The following XRCC4 variants were observed in gnomAD, a reference collection of about 807,000 sequenced individuals.
XRCC4 encodes the protein DNA repair protein XRCC4.
XRCC4 carries 28 observed loss-of-function variants against 39.1 expected under a neutral mutation model. The ratio of observed to expected loss-of-function variants is 0.72; its 90% CI spans 0.53 to 0.98. The LOEUF is 0.98. Among genes scored for constraint, XRCC4 ranks in the 50% least tolerant of loss-of-function variants. XRCC4 has a pLI of 0.00. For missense variants in XRCC4, 350 were observed against 376.4 expected (o/e 0.93, Z 0.58); for synonymous variants, 123 against 126.4 (o/e 0.97, Z 0.18).
chr5:83,079,562 T>C (rs1744839189), intron 1 of XRCC4, among the ~76,000 whole-genome samples: 1 of 152,160 alleles, frequency 6.6e-6, no homozygotes, highest in Admixed American at 6.5e-5. Flanking sequence ...AGGATCTTGC[T>C]CTGTTGCCCA....
rs1225850304 is a variant in XRCC4, at chr5:83,309,296, A to AATATATAT, written c.894-43817_894-43810dup. Among the ~76,000 whole-genome samples, 246 of 72,156 alleles carry AATATATAT rather than the reference A, an allele frequency of 3.4e-3. 2 individuals are homozygous for AATATATAT. The highest frequency in any genetic ancestry group is 0.014 in the Middle Eastern group (1 of 72). The allele number at this position is 72,156 out of a possible 152,430, so 47.3% of individuals were successfully genotyped here. ...AAAAAAAAAAAAAAAAAAAAAAAAAAATATATATATATATATATATATATA... is the reference window on the plus strand; with the variant it reads ...AAAAAAAAAAAAAAAAAAAAAAAAAAATATATATATATATATATATATATATATATATA... On this transcript the variant is annotated intron_variant, in intron 7 of 7. Transcript: ENST00000396027.
At chr5:83,166,757 G>A (rs895784314) in intron 3 of XRCC4, among the ~76,000 whole-genome samples, 43 of 151,944 alleles carry the variant, frequency 2.8e-4, no homozygotes, top group African/African-American at 8.9e-4. Flanking sequence ...CATTACAGGC[G>A]TGAGCCACCG....
In XRCC4 at chr5:83,258,642, G is replaced by C; in HGVS notation, c.858G>C (p.Met286Ile). Reference protein sequence around the residue: ...MQRNLGTEPKMAPQENQLQEK... With the variant: ...MQRNLGTEPKIAPQENQLQEK... The stretch of plus-strand genomic sequence containing the variant: ...GAAATCTTGGGACAGAACCTAAAAT[G>C]GCTCCTCAGGAGAATCAGCTTCAAG... The change falls in exon 7 of 8, where the codon ATG becomes ATC. Residue 286 changes from methionine (M) to isoleucine (I), a missense_variant. By Grantham distance (10) the Met-to-Ile change is conservative. Coordinates refer to ENST00000396027, the MANE Select transcript of XRCC4 (RefSeq NM_003401.5). The C allele has an allele frequency of 6.2e-7, 1 of 1,611,538 alleles. No homozygotes were observed. Among genetic ancestry groups the C allele is most frequent in the Non-Finnish European group, 8.5e-7 (1 of 1,179,056 alleles).
intron 7 of XRCC4, among the ~76,000 whole-genome samples, chr5:83,320,803 A>G (rs1211294441): frequency 2.0e-5 from 3 of 147,612 alleles, no homozygotes; most frequent in African/African-American, 7.6e-5. Flanking sequence ...TAAGTTATGT[A>G]CTTCTTTTTT....
chr5:83,329,235 T>G (rs1232254063), intron 7 of XRCC4, among the ~76,000 whole-genome samples: 1 of 152,134 alleles, frequency 6.6e-6, no homozygotes, highest in African/African-American at 2.4e-5. Flanking sequence ...AGAGAACATA[T>G]TCTTAAATAA....
At chr5:83,288,777 C>T (rs907913417) in intron 7 of XRCC4, among the ~76,000 whole-genome samples, 4 of 151,616 alleles carry the variant, frequency 2.6e-5, no homozygotes, top group Admixed American at 1.3e-4. Flanking sequence ...GTTGAGTTTC[C>T]GCTATGGTGT....
intron 7 of XRCC4, among the ~76,000 whole-genome samples, chr5:83,315,851 C>G (rs2112111147): frequency 6.6e-6 from 1 of 152,242 alleles, no homozygotes; most frequent in East Asian, 1.9e-4. Context: ...CCTGCTAACA[C>G]AACATTCATT....
At position 83,218,062 on chromosome 5, in the gene XRCC4, T is replaced by TATATA. The variant is rs1554065873; in HGVS notation, c.745+13141_745+13142insATATA. On this transcript the variant is annotated intron_variant, in intron 6 of 7. Coordinates refer to ENST00000396027, the MANE Select transcript of XRCC4 (RefSeq NM_003401.5). Reference sequence around the variant, plus strand: ...TTGAACTTCTCAGTCTTTACCTTTTTTATATATATATATATATTTATTAGA... The same window carrying TATATA: ...TTGAACTTCTCAGTCTTTACCTTTTTATATATATATATATATATATATTTATTAGA... Among the ~76,000 whole-genome samples, 646 of 147,612 alleles carry TATATA rather than the reference T, an allele frequency of 4.4e-3. 9 individuals carry two copies. The highest frequency in any genetic ancestry group is 0.016 in the African/African-American group (619 of 39,874).
At chr5:83,365,148 G>A in the XRCC4 span, among the ~76,000 whole-genome samples, 2 of 152,104 alleles carry the variant, frequency 1.3e-5, no homozygotes, top group Non-Finnish European at 1.5e-5. Context: ...ACCACTTACT[G>A]TACTGTAAAT....
Position 83,294,034 on chromosome 5 carries a change from T to C in XRCC4, c.893+35357T>C, listed in dbSNP as rs1755012809. Among the ~76,000 whole-genome samples, 5 of 152,004 alleles carry C rather than the reference T, an allele frequency of 3.3e-5. No homozygotes were observed. The South Asian group carries it at 1.0e-3, about 31-fold the overall frequency. On this transcript the variant is annotated intron_variant, in intron 7 of 7. Coordinates refer to ENST00000396027, the MANE Select transcript of XRCC4 (RefSeq NM_003401.5). ...CTTTTCCAAAATGTTCAAGGATGTTTGACTTTTGTTTTTTTTTCTCTCTCT... is the reference window on the plus strand; with the variant it reads ...CTTTTCCAAAATGTTCAAGGATGTTCGACTTTTGTTTTTTTTTCTCTCTCT...
At chr5:83,206,302 G>A (rs1751419909) in intron 6 of XRCC4, among the ~76,000 whole-genome samples, 2 of 152,106 alleles carry the variant, frequency 1.3e-5, no homozygotes, top group African/African-American at 4.8e-5. Context: ...CCAGAGTGAT[G>A]GAGAGGCGAT....
intron 6 of XRCC4, among the ~76,000 whole-genome samples, chr5:83,251,840 A>G (rs1753331550): frequency 6.6e-6 from 1 of 152,126 alleles, no homozygotes; most frequent in Admixed American, 6.5e-5. Flanking sequence ...GTTTGGTGCT[A>G]TGTTAATAAT....
chr5:83,371,440 A>G, the XRCC4 span, among the ~76,000 whole-genome samples: 3 of 152,214 alleles, frequency 2.0e-5, no homozygotes, highest in Non-Finnish European at 4.4e-5. Context: ...TTCCTGAATG[A>G]ATACATGAAT....
chr5:83,143,963 T>TTA (rs1309324632), intron 3 of XRCC4, among the ~76,000 whole-genome samples: 2 of 152,088 alleles, frequency 1.3e-5, no homozygotes. Context: ...TATGGATGAA[T>TTA]TATATATTGG....
At chr5:83,244,494 T>C (rs140073946) in intron 6 of XRCC4, among the ~76,000 whole-genome samples, 240 of 152,342 alleles carry the variant, frequency 1.6e-3, no homozygotes, top group African/African-American at 5.3e-3. Flanking sequence ...CTAATGGCTC[T>C]TGAGTTAGCT....
rs192708499 is a variant in XRCC4, at chr5:83,184,667, T to C, written c.316-11103T>C. ...ATAGCATGATAATTTTATCATATTATAACTTTTGGCCAGTATTTGCTTACT... is the reference window on the plus strand; with the variant it reads ...ATAGCATGATAATTTTATCATATTACAACTTTTGGCCAGTATTTGCTTACT... On this transcript the variant is annotated intron_variant, in intron 3 of 7. Transcript: ENST00000396027. 8.5e-4 allele frequency among the ~76,000 whole-genome samples: 130 copies of C among 152,274 alleles called. No homozygotes were observed. In the Middle Eastern group the frequency reaches 0.01, roughly 12 times the overall value.
At chr5:83,358,094 T>C (rs73769451), downstream of XRCC4, among the ~76,000 whole-genome samples, 2,599 of 152,002 alleles carry the variant, frequency 0.017, 70 homozygotes, top group African/African-American at 0.06. Context: ...TCACTACTGA[T>C]CTGACAGCTT....
chr5:83,106,597 A>G (rs1162895355), intron 2 of XRCC4, among the ~76,000 whole-genome samples: 2 of 152,000 alleles, frequency 1.3e-5, no homozygotes, highest in African/African-American at 4.8e-5. Flanking sequence ...AGAACACTCC[A>G]TTAACTCTTA....
chr5:83,226,968 A>G (rs1297076662), intron 6 of XRCC4, among the ~76,000 whole-genome samples: 2 of 152,010 alleles, frequency 1.3e-5, no homozygotes, highest in Admixed American at 6.6e-5. Flanking sequence ...TGGGAATTTC[A>G]TTACATGTAT....
Sources: allele counts gnomAD v4.1 joint callset (sites outside exome capture counted in the v4.1 genomes callset), GRCh38; gene constraint gnomAD v4.1.1; transcripts MANE v1.5; gene names NCBI Gene and HGNC (gene_info 2026-07-23, HGNC 2026-07-21).